The following TMC3 variants were observed in gnomAD, a reference collection of about 807,000 sequenced individuals.
The protein encoded by TMC3 is transmembrane channel-like protein 3.
In TMC3, 98 loss-of-function variants were observed where a neutral mutation model predicts 110.6. That is an observed-to-expected ratio of 0.89 (90% CI 0.75 to 1.05). TMC3 has a LOEUF of 1.05. Ranked by LOEUF, TMC3 falls within the 50% of genes least tolerant of loss-of-function variation. The probability of loss-of-function intolerance (pLI) is 0.00; values close to 1 mark genes in which losing one functional copy is unlikely to be tolerated. For synonymous variants in TMC3, 489 were observed against 513.1 expected (o/e 0.95, Z 0.63); for missense variants, 1,319 against 1,373.2 (o/e 0.96, Z 0.62).
At chr15:81,341,548 C>T in intron 15 of TMC3, 30 bp from the exon 16 acceptor site, 1 of 1,599,302 alleles carries the variant, frequency 6.3e-7, no homozygotes, top group African/African-American at 1.3e-5. Context: ...CAGTTTGCAT[C>T]TGTTCTCTTT....
At position 81,359,388 on chromosome 15, in the gene TMC3, C is replaced by G. The variant is rs1894137578; in HGVS notation, c.478G>C (p.Gly160Arg). 6.2e-7 allele frequency: 1 copy of G among 1,605,028 alleles called. No individual in the cohort carries two copies. The highest frequency in any genetic ancestry group is 2.2e-5 in the East Asian group (1 of 44,666). Reference protein sequence around the residue: ...GINIVLTIMTGAFIVIPELIA... With the variant: ...GINIVLTIMTRAFIVIPELIA... Reference sequence around the variant, plus strand: ...ACCTCTGGAATGACAATAAAAGCACCTGTCATAATGGTGAGCACAATATTA... The same window carrying G: ...ACCTCTGGAATGACAATAAAAGCACGTGTCATAATGGTGAGCACAATATTA... Residue 160 changes from glycine to arginine, a missense_variant, in exon 5 of 22, where the codon GGT becomes CGT. Physicochemically the swap from Gly to Arg is moderately radical, Grantham distance 125. Coordinates refer to ENST00000359440, the MANE Select transcript of TMC3 (RefSeq NM_001080532.3).
chr15:81,358,589 A>T, intron 5 of TMC3, 89 bp from the exon 6 acceptor site: 2 of 1,019,374 alleles, frequency 2.0e-6, no homozygotes, highest in African/African-American at 1.6e-5. Context: ...TGCTTGTGAA[A>T]ATGCCACACA....
At chr15:81,346,524 G>T (rs1893832607) in intron 11 of TMC3, 81 bp from the exon 12 acceptor site, 3 of 1,345,520 alleles carry the variant, frequency 2.2e-6, no homozygotes, top group Non-Finnish European at 3.1e-6. Context: ...TGGTTCTAAA[G>T]ACTGTCATGG....
At chr15:81,349,608 C>A (rs1371274518) in intron 10 of TMC3, 41 bp from the exon 11 acceptor site, 20 of 1,245,910 alleles carry the variant, frequency 1.6e-5, no homozygotes, top group Non-Finnish European at 1.9e-5. Flanking sequence ...ATTCCCAGGA[C>A]CCCCCACCAG....
intron 3 of TMC3, among the ~76,000 whole-genome samples, chr15:81,366,782 C>T (rs1658587789): frequency 6.6e-6 from 1 of 152,050 alleles, no homozygotes; most frequent in South Asian, 2.1e-4. Flanking sequence ...GAAAGAATGC[C>T]AAGATGTGTC....
chr15:81,332,563 C>G lies in TMC3; in HGVS notation c.3159G>C (p.Gln1053His). The G allele has an allele frequency of 6.2e-7, 1 of 1,613,956 alleles. No homozygotes were observed. Among genetic ancestry groups the G allele is most frequent in the Non-Finnish European group, 8.5e-7 (1 of 1,179,878 alleles). Residue 1053 changes from glutamine (Q) to histidine (H), a missense_variant, in exon 22 of 22, where the codon CAG becomes CAC. Gln to His is a conservative substitution (Grantham distance 24, BLOSUM62 0). Transcript: ENST00000359440. ...SVSAASSSDQ[Q>H]NSSADQYLQV... ...GCAGGTACTGGTCAGCGCTGCTGTT[C>G]TGCTGGTCACTGCTGGATGCTGCCG...
At chr15:81,356,686 G>A in intron 7 of TMC3, 92 bp from the exon 8 acceptor site, 3 of 1,405,226 alleles carry the variant, frequency 2.1e-6, no homozygotes, top group Non-Finnish European at 2.9e-6. Context: ...ATTAGCATAG[G>A]CTGCACCCCT....
chr15:81,372,381 CACACACACACACACACACACACACACAG>C (rs1894455218), intron 2 of TMC3, among the ~76,000 whole-genome samples, 182 bp downstream of exon 2: 1 of 149,724 alleles, frequency 6.7e-6, no homozygotes, highest in African/African-American at 2.5e-5. Flanking sequence ...CACACACACA[CACACACACACACACACACACACACACAG>C]AGGAACTGGC....
chr15:81,341,086 T>C (rs911817366), intron 16 of TMC3, among the ~76,000 whole-genome samples: 1 of 152,262 alleles, frequency 6.6e-6, no homozygotes, highest in Non-Finnish European at 1.5e-5. Context: ...CTGAGTGCCT[T>C]GTGTTCAGTT....
In TMC3 at chr15:81,334,839, C is replaced by T; in HGVS notation, c.2340G>A (p.Lys780=). Reference sequence around the variant, plus strand: ...GTGCGACTGTCTCTATCCTGCCACTCTTGCTGCTCCCTGAGTCAAAATGGG... The same window carrying T: ...GTGCGACTGTCTCTATCCTGCCACTTTTGCTGCTCCCTGAGTCAAAATGGG... ...NVAHFDSGSS[K]SGRIETVAQS... is the part of the protein sequence containing the mutation. The change falls in exon 21 of 22, where the codon AAG becomes AAA. Residue 780 remains lysine (K), a synonymous_variant. Coordinates refer to ENST00000359440, the MANE Select transcript of TMC3 (RefSeq NM_001080532.3). The T allele has an allele frequency of 6.2e-7, 1 of 1,614,054 alleles. No individual in the cohort carries two copies. Among genetic ancestry groups the T allele is most frequent in the South Asian group, 1.1e-5 (1 of 91,080 alleles).
intron 11 of TMC3, 88 bp from the exon 12 acceptor site, chr15:81,346,531 A>G (rs1232243081): frequency 7.7e-7 from 1 of 1,304,700 alleles, no homozygotes; most frequent in Non-Finnish European, 1.1e-6. Flanking sequence ...AAAGACTGTC[A>G]TGGATATATT....
intron 11 of TMC3, among the ~76,000 whole-genome samples, chr15:81,348,271 T>A (rs942042706): frequency 6.6e-6 from 1 of 152,204 alleles, no homozygotes; most frequent in Non-Finnish European, 1.5e-5. Context: ...TTCTGTAGAA[T>A]GTTATTAGGT....
At chr15:81,342,286 T>C (rs1893731356) in intron 15 of TMC3, among the ~76,000 whole-genome samples, 1 of 152,228 alleles carries the variant, frequency 6.6e-6, no homozygotes, top group Non-Finnish European at 1.5e-5. Context: ...AAAATAAACA[T>C]GGACATAAGA....
At chr15:81,337,619 G>A (rs1415974508) in intron 19 of TMC3, 3 of 599,918 alleles carry the variant, frequency 5.0e-6, no homozygotes, top group Non-Finnish European at 9.0e-6. Flanking sequence ...GCCTCTTGAG[G>A]AGGAAGAAAA....
In TMC3 at chr15:81,344,918, A is replaced by G. The variant is rs1458889613; in HGVS notation, c.1366T>C (p.Ser456Pro). 1 of 1,613,738 alleles carries G rather than the reference A, an allele frequency of 6.2e-7. No individual in the cohort carries two copies. Among genetic ancestry groups the G allele is most frequent in the African/African-American group, 1.3e-5 (1 of 74,898 alleles). The stretch of plus-strand genomic sequence containing the variant: ...CTCCTGAGCCCCATTCCAGGCCGAG[A>G]TGTGGACCATTTCTCTTCTTCAGGG... ...TAPEEEKWST[S>P]RPGMGLRRNN... The change falls in exon 13 of 22, where the codon TCT becomes CCT. Residue 456 changes from serine to proline, a missense_variant. By Grantham distance (74) the Ser-to-Pro change is moderately conservative. Coordinates refer to ENST00000359440, the MANE Select transcript of TMC3 (RefSeq NM_001080532.3).
intron 12 of TMC3, among the ~76,000 whole-genome samples, chr15:81,345,221 C>T (rs1217046445): frequency 1.3e-5 from 2 of 152,182 alleles, no homozygotes; most frequent in Admixed American, 1.3e-4. Context: ...AATATTTATT[C>T]ATCCCTAGTA....
In TMC3 at chr15:81,332,871, T is replaced by C; in HGVS notation, c.2851A>G (p.Arg951Gly). The change falls in exon 22 of 22, where the codon AGA becomes GGA. Residue 951 changes from arginine to glycine, a missense_variant. Coordinates refer to ENST00000359440, the MANE Select transcript of TMC3 (RefSeq NM_001080532.3). ...GGAAGAGACCGTTTGATCCAATCTC[T>C]GCTTGGCGTCTCCTCCTCTTCTTCA... ...LSEEEEETPS[R>G]DWIKRSLPPR... 1.9e-6 allele frequency: 3 copies of C among 1,613,424 alleles called. No homozygotes were observed. Among genetic ancestry groups the C allele is most frequent in the Non-Finnish European group, 2.5e-6 (3 of 1,179,882 alleles).
chr15:81,362,539 A>G (rs1894211701), intron 3 of TMC3, among the ~76,000 whole-genome samples: 1 of 152,084 alleles, frequency 6.6e-6, no homozygotes, highest in Non-Finnish European at 1.5e-5. Context: ...CCCATATAAT[A>G]TGCACCTCAA....
chr15:81,355,783 CA>C lies in TMC3; in HGVS notation c.892-16del. On this transcript the variant is annotated splice_polypyrimidine_tract_variant and intron_variant, in intron 8 of 21. Transcript: ENST00000359440. ...AATATAGCTTCCTTTAAGAAAAATA[CA>C]TACAGCAATAAAAGCTTAGCATCAT... is the stretch of plus-strand genomic sequence containing the variant. 5 of 1,534,568 alleles carry C rather than the reference CA, an allele frequency of 3.3e-6. No homozygotes were observed. Among genetic ancestry groups the C allele is most frequent in the Non-Finnish European group, 4.5e-6 (5 of 1,115,376 alleles).
Sources: allele counts gnomAD v4.1 joint callset (sites outside exome capture counted in the v4.1 genomes callset), GRCh38; gene constraint gnomAD v4.1.1; transcripts MANE v1.5; gene names NCBI Gene and HGNC (gene_info 2026-07-23, HGNC 2026-07-21).